Variants in HELLS observed in about 807,000 individuals in gnomAD.
HELLS encodes the protein lymphoid-specific helicase.
In HELLS, 32 loss-of-function variants were observed where a neutral mutation model predicts 120.0. The ratio of observed to expected loss-of-function variants is 0.27; its 90% CI spans 0.20 to 0.36. The LOEUF is 0.36. Among genes scored for constraint, HELLS ranks in the 10% least tolerant of loss-of-function variants. The pLI is 1.00. For missense variants in HELLS, 650 were observed against 993.4 expected (o/e 0.65, Z 4.65); for synonymous variants, 341 against 323.4 (o/e 1.05, Z -0.58).
At chr10:94,605,139 A>G (rs1564623845), downstream of HELLS, among the ~76,000 whole-genome samples, 1 of 129,186 alleles carries the variant, frequency 7.7e-6, no homozygotes, top group Non-Finnish European at 1.6e-5. Context: ...CTGGAGTGCA[A>G]TGGCTTGATC....
At chr10:94,597,337 A>G (rs1845787713) in intron 21 of HELLS, among the ~76,000 whole-genome samples, 3 of 152,272 alleles carry the variant, frequency 2.0e-5, no homozygotes, top group East Asian at 3.9e-4. Flanking sequence ...AAACTGGTAA[A>G]TAACACTTGT....
intron 3 of HELLS, among the ~76,000 whole-genome samples, chr10:94,556,446 G>A (rs745558530): frequency 7.9e-5 from 12 of 151,962 alleles, no homozygotes; most frequent in Non-Finnish European, 1.0e-4. Flanking sequence ...AAGAAATGTC[G>A]TTATTGGGGT....
rs766779610 is a variant in HELLS at position 94,601,599 on chromosome 10, T to C, written c.2494T>C (p.Ser832Pro). ...CAAGATATTAGAAAATTCTGAAGAT[T>C]CCAGTCCTGAATGTTTGTTTTAAAG... is the stretch of plus-strand genomic sequence containing the variant. ...IFKILENSED[S>P]SPECLF is the part of the protein sequence containing the mutation. The change falls in exon 22 of 22, where the codon TCC becomes CCC. Residue 832 changes from serine to proline, a missense_variant. This residue lies in a region of HELLS where 90 missense variants were observed against 109.2 expected (regional missense o/e 0.82). Coordinates refer to ENST00000348459, the MANE Select transcript of HELLS (RefSeq NM_018063.5). 3 of 1,574,432 alleles carry C rather than the reference T, an allele frequency of 1.9e-6. No individual in the cohort carries two copies. The Admixed American group carries it at 5.2e-5, about 27-fold the overall frequency.
At chr10:94,597,253 C>A in intron 21 of HELLS, 142 bp downstream of exon 21, 1 of 529,864 alleles carries the variant, frequency 1.9e-6, no homozygotes, top group Non-Finnish European at 3.3e-6. Context: ...GTATTAAAAT[C>A]AAATCTCAGA....
In HELLS at chr10:94,597,123, G is replaced by C. The variant is rs1162847602; in HGVS notation, c.2422+12G>C. 3 of 1,506,110 alleles carry C rather than the reference G, an allele frequency of 2.0e-6. No homozygotes were observed. Among genetic ancestry groups the C allele is most frequent in the Non-Finnish European group, 2.8e-6 (3 of 1,088,696 alleles). 93.3% of individuals were successfully genotyped at this position (1,506,110 alleles called of 1,614,324 possible). ...AAGTGATCTTATTGGTAAGTATTAT[G>C]CTTTTTTTTAATGGAAGCTTCGAAA... On this transcript the variant is annotated intron_variant, in intron 21 of 21. Transcript: ENST00000348459.
chr10:94,592,546 ATTC>A, intron 17 of HELLS, 32 bp downstream of exon 17: 1 of 1,288,926 alleles, frequency 7.8e-7, no homozygotes, highest in Non-Finnish European at 1.0e-6. Context: ...ATACCAAACT[ATTC>A]TTTTATAATT....
At chr10:94,613,671 A>G (rs1468880467) in exon 10 of HELLS, 2 of 152,146 alleles carry the variant, frequency 1.3e-5, no homozygotes, top group African/African-American at 4.8e-5. Context: ...GTTTGCTGGT[A>G]TATTCTTTTA....
intron 10 of HELLS, among the ~76,000 whole-genome samples, chr10:94,579,654 A>G (rs1311268715): frequency 6.6e-6 from 1 of 150,866 alleles, no homozygotes; most frequent in East Asian, 2.0e-4. Flanking sequence ...TGATTCTCCT[A>G]CCTCTGTCTC....
At chr10:94,569,496 G>A (rs1844023588) in intron 6 of HELLS, 1 of 152,144 alleles carries the variant, frequency 6.6e-6, no homozygotes, top group Non-Finnish European at 1.5e-5. Context: ...CTATTTTTTA[G>A]AACCATAACC....
chr10:94,598,339 G>T (rs1845843676), intron 21 of HELLS, among the ~76,000 whole-genome samples: 1 of 152,106 alleles, frequency 6.6e-6, no homozygotes, highest in Non-Finnish European at 1.5e-5. Flanking sequence ...TGTATTCCTG[G>T]CTAGAATGCA....
chr10:94,576,926 T>C lies in HELLS; in HGVS notation c.1032+121T>C. ...TTTTTTTGTTGTCGAAATAATAGAT[T>C]ATATTGTGCATATACCTGTAGAAGC... On this transcript the variant is annotated intron_variant, in intron 10 of 21. Coordinates refer to ENST00000348459, the MANE Select transcript of HELLS (RefSeq NM_018063.5). 1.2e-5 allele frequency: 10 copies of C among 830,930 alleles called. No individual in the cohort carries two copies. The South Asian group carries it at 1.9e-4, about 16-fold the overall frequency. 51.5% of individuals were successfully genotyped at this position (830,930 alleles called of 1,614,324 possible).
intron 6 of HELLS, among the ~76,000 whole-genome samples, chr10:94,563,503 T>A (rs1044198418): frequency 2.0e-5 from 3 of 152,106 alleles, no homozygotes; most frequent in African/African-American, 7.2e-5. Context: ...TTTTCTTTTT[T>A]TGAGGCAGGG....
intron 6 of HELLS, chr10:94,569,194 T>A (rs1477218798): frequency 6.6e-6 from 1 of 151,640 alleles, no homozygotes; most frequent in Non-Finnish European, 1.5e-5. Context: ...GACTTTTTTT[T>A]TTTCTTAAGG....
intron 7 of HELLS, among the ~76,000 whole-genome samples, chr10:94,573,538 C>T (rs1844284741): frequency 6.6e-6 from 1 of 151,924 alleles, no homozygotes; most frequent in Non-Finnish European, 1.5e-5. Context: ...GTGTTCATGG[C>T]TCACTGCAGC....
downstream of HELLS, among the ~76,000 whole-genome samples, chr10:94,605,075 C>T: frequency 2.3e-5 from 1 of 44,338 alleles, no homozygotes; most frequent in Non-Finnish European, 5.2e-5. Flanking sequence ...TTGTGTCTCC[C>T]CCCCCCCCCC....
exon 10 of HELLS, chr10:94,613,029 A>G (rs1846210075): frequency 6.6e-6 from 1 of 152,114 alleles, no homozygotes; most frequent in Admixed American, 6.5e-5. Context: ...TATATTTTGG[A>G]GATTTGTTCA....
intron 2 of HELLS, among the ~76,000 whole-genome samples, chr10:94,547,181 T>C (rs2134262875): frequency 6.6e-6 from 1 of 152,352 alleles, no homozygotes; most frequent in South Asian, 2.1e-4. Flanking sequence ...ACCCTGCTGC[T>C]TGATTCATAT....
chr10:94,597,381 G>C lies in HELLS; in HGVS notation c.2422+270G>C, dbSNP rs561756635. ...ATATTCAAGTTCCTGTCTTAGTTAA[G>C]AATACCAGTGCTTTGTTCTCATATT... On this transcript the variant is annotated intron_variant, in intron 21 of 21. Coordinates refer to ENST00000348459, the MANE Select transcript of HELLS (RefSeq NM_018063.5). 2.0e-5 allele frequency among the ~76,000 whole-genome samples: 3 copies of C among 152,228 alleles called. No homozygotes were observed. The East Asian group carries it at 5.8e-4, about 29-fold the overall frequency.
chr10:94,603,870 C>T (rs1473103503), downstream of HELLS, among the ~76,000 whole-genome samples: 2 of 152,106 alleles, frequency 1.3e-5, no homozygotes, highest in South Asian at 2.1e-4. Flanking sequence ...CACTGTCGCC[C>T]AGGCTGGAGT....
Sources: allele counts gnomAD v4.1 joint callset (sites outside exome capture counted in the v4.1 genomes callset), GRCh38; gene constraint gnomAD v4.1.1; regional missense constraint gnomAD v4.1.1; transcripts MANE v1.5; gene names NCBI Gene and HGNC (gene_info 2026-07-23, HGNC 2026-07-21).